Variants in GAS7 observed in about 807,000 individuals in gnomAD.
GAS7 encodes the protein growth arrest-specific protein 7.
In GAS7, 28 loss-of-function variants were observed where a neutral mutation model predicts 71.1. The observed-to-expected ratio is 0.39, with a 90% CI of 0.29 to 0.54. The LOEUF is 0.54. Among genes scored for constraint, GAS7 ranks in the 20% least tolerant of loss-of-function variants. GAS7 has a pLI of 0.62. For missense variants in GAS7, 436 were observed against 627.8 expected (o/e 0.69, Z 3.27); for synonymous variants, 258 against 245.8 (o/e 1.05, Z -0.46).
chr17:10,087,392 T>C (rs773994476), intron 1 of GAS7, among the ~76,000 whole-genome samples: 4 of 152,232 alleles, frequency 2.6e-5, no homozygotes, highest in African/African-American at 4.8e-5. Context: ...GAGTATGGCA[T>C]GTGTGTCCCA....
intron 1 of GAS7, among the ~76,000 whole-genome samples, chr17:10,126,279 G>A (rs1286155849): frequency 1.3e-5 from 2 of 152,136 alleles, no homozygotes; most frequent in Non-Finnish European, 2.9e-5. Flanking sequence ...TGAATGGTGT[G>A]AGGGAAAGAG....
chr17:10,037,746 G>A (rs2072782834), intron 1 of GAS7, among the ~76,000 whole-genome samples: 1 of 150,054 alleles, frequency 6.7e-6, no homozygotes, highest in Non-Finnish European at 1.5e-5. Context: ...GGGTGGGGGT[G>A]GGGCATCCAT....
At chr17:10,000,642 C>T (rs908023749) in intron 2 of GAS7, among the ~76,000 whole-genome samples, 6 of 152,198 alleles carry the variant, frequency 3.9e-5, no homozygotes, top group African/African-American at 1.4e-4. Context: ...TCATCTCTGT[C>T]TCTAAATTCT....
intron 1 of GAS7, among the ~76,000 whole-genome samples, chr17:10,142,566 A>G (rs1377712393): frequency 6.6e-6 from 1 of 152,014 alleles, no homozygotes; most frequent in Non-Finnish European, 1.5e-5. Flanking sequence ...ACGGGGTTTC[A>G]CCATGTTCGC....
chr17:9,987,955 G>A (rs1308188324), intron 2 of GAS7, among the ~76,000 whole-genome samples: 1 of 152,206 alleles, frequency 6.6e-6, no homozygotes, highest in African/African-American at 2.4e-5. Flanking sequence ...GCCTCCTGCT[G>A]GGGCTCGTCC....
At chr17:9,935,536 C>T (rs1425317951) in intron 8 of GAS7, among the ~76,000 whole-genome samples, 1 of 152,170 alleles carries the variant, frequency 6.6e-6, no homozygotes, top group Non-Finnish European at 1.5e-5. Flanking sequence ...TCATTAAAGT[C>T]GAGTGGCAAA....
chr17:10,118,704 C>CAAAAAAAA (rs34461299), intron 1 of GAS7, among the ~76,000 whole-genome samples: 1 of 70,108 alleles, frequency 1.4e-5, no homozygotes. Flanking sequence ...ACTCTGTCTC[C>CAAAAAAAA]AAAAAAAAAA....
At position 10,017,409 on chromosome 17, in the gene GAS7, A is replaced by T. The variant is rs145493236; in HGVS notation, c.304+2368T>A. On this transcript the variant is annotated intron_variant, in intron 2 of 13. Transcript: ENST00000432992. ...AATGGCGTGATCTCGGCTCACTGCA[A>T]CTTCCACCTCACGCGTTCAAGCGAT... 1.4e-3 allele frequency among the ~76,000 whole-genome samples: 217 copies of T among 151,500 alleles called. 3 individuals are homozygous for T. The East Asian group carries it at 0.04, about 28-fold the overall frequency.
chr17:10,080,829 T>C (rs1036869603), intron 1 of GAS7, among the ~76,000 whole-genome samples: 2 of 152,256 alleles, frequency 1.3e-5, no homozygotes, highest in Non-Finnish European at 2.9e-5. Flanking sequence ...TTCCATCAGA[T>C]AGTAAAACTT....
chr17:10,140,580 T>C (rs935522944), intron 1 of GAS7, among the ~76,000 whole-genome samples: 3 of 151,332 alleles, frequency 2.0e-5, no homozygotes, highest in African/African-American at 7.3e-5. Flanking sequence ...TCTATATAGC[T>C]AGTGTATGTG....
intron 2 of GAS7, among the ~76,000 whole-genome samples, chr17:10,006,858 T>C (rs1033525139): frequency 4.6e-5 from 7 of 152,182 alleles, no homozygotes; most frequent in African/African-American, 9.7e-5. Flanking sequence ...ACTGGCCAGG[T>C]GAAGGGCCTT....
intron 7 of GAS7, among the ~76,000 whole-genome samples, chr17:9,941,897 G>C (rs1416273308): frequency 2.6e-5 from 4 of 152,114 alleles, no homozygotes. Context: ...GCCCTCTAAG[G>C]GAAAGGGGTG....
At chr17:10,038,750 A>C (rs1388083025) in intron 1 of GAS7, among the ~76,000 whole-genome samples, 1 of 139,334 alleles carries the variant, frequency 7.2e-6, no homozygotes, top group Non-Finnish European at 1.5e-5. Flanking sequence ...CCCAAGCTGG[A>C]GTGCAGTGGC....
intron 1 of GAS7, among the ~76,000 whole-genome samples, chr17:10,154,001 C>A (rs1422941854): frequency 6.6e-6 from 1 of 151,922 alleles, no homozygotes; most frequent in African/African-American, 2.4e-5. Flanking sequence ...CTGCTTGAGC[C>A]CAGGAGTTTG....
At chr17:9,930,861 C>A (rs1431070980) in intron 9 of GAS7, among the ~76,000 whole-genome samples, 2 of 152,242 alleles carry the variant, frequency 1.3e-5, no homozygotes, top group African/African-American at 2.4e-5. Flanking sequence ...AGGCCACCAA[C>A]ACTGACCGAC....
At chr17:10,036,529 C>T (rs1022070656) in intron 1 of GAS7, 52 of 1,600,890 alleles carry the variant, frequency 3.2e-5, no homozygotes, top group African/African-American at 1.9e-4. Flanking sequence ...AAGACTCCGC[C>T]GGCTTCCTCT....
At chr17:10,089,518 TAAA>T (rs55650323) in intron 1 of GAS7, among the ~76,000 whole-genome samples, 18 of 144,346 alleles carry the variant, frequency 1.2e-4, no homozygotes, top group Admixed American at 4.2e-4. Flanking sequence ...GAGAACACAG[TAAA>T]AAAAAAAAAA....
At chr17:10,137,856 A>C (rs1349819031) in intron 1 of GAS7, among the ~76,000 whole-genome samples, 1 of 152,154 alleles carries the variant, frequency 6.6e-6, no homozygotes, top group East Asian at 1.9e-4. Context: ...GAAGTTTCTT[A>C]ATAAATATTT....
chr17:10,077,013 CTCTA>C (rs2073401836), intron 1 of GAS7, among the ~76,000 whole-genome samples: 1 of 152,246 alleles, frequency 6.6e-6, no homozygotes, highest in African/African-American at 2.4e-5. Context: ...AAGTTTATCA[CTCTA>C]TCTAAAAAGT....
Sources: gnomAD v4.1 joint callset for allele counts (sites outside exome capture counted in the v4.1 genomes callset) on GRCh38, gnomAD v4.1.1 for gene constraint, MANE v1.5 for transcripts, NCBI Gene and HGNC (gene_info 2026-07-23, HGNC 2026-07-21) for gene names.